Variants in SDK1 observed in about 807,000 individuals in gnomAD.
SDK1 encodes protein sidekick-1.
SDK1 carries 157 observed loss-of-function variants against 245.5 expected under a neutral mutation model. The observed-to-expected ratio is 0.64, with a 90% CI of 0.56 to 0.73. The LOEUF (loss-of-function observed/expected upper bound fraction) is 0.73. SDK1 is among the 30% of genes least tolerant of loss of function. SDK1 has a pLI of 0.00. For missense variants in SDK1, 3,583 were observed against 3,002.3 expected (o/e 1.19, Z -4.52); for synonymous variants, 1,647 against 1,278.5 (o/e 1.29, Z -6.15).
At chr7:3,329,203 G>A (rs1277597230) in intron 1 of SDK1, among the ~76,000 whole-genome samples, 1 of 151,994 alleles carries the variant, frequency 6.6e-6, no homozygotes, top group African/African-American at 2.4e-5. Flanking sequence ...GCAGATAATG[G>A]TTGGTACTCA....
chr7:3,807,313 A>T (rs1456595049), intron 4 of SDK1, among the ~76,000 whole-genome samples: 2 of 152,176 alleles, frequency 1.3e-5, no homozygotes, highest in Non-Finnish European at 2.9e-5. Flanking sequence ...CAGGATAGGA[A>T]GGGGAAGTGC....
intron 5 of SDK1, among the ~76,000 whole-genome samples, chr7:3,853,814 C>T (rs1278581617): frequency 6.6e-6 from 1 of 152,032 alleles, no homozygotes; most frequent in Non-Finnish European, 1.5e-5. Context: ...CATGGTGAAA[C>T]CTCCTCTCTA....
At chr7:3,432,037 T>TGTCTC (rs564047846) in intron 1 of SDK1, among the ~76,000 whole-genome samples, 128 of 151,708 alleles carry the variant, frequency 8.4e-4, no homozygotes, top group African/African-American at 2.9e-3. Context: ...CATGACTTTT[T>TGTCTC]GTCTCATAAA....
intron 28 of SDK1, among the ~76,000 whole-genome samples, chr7:4,136,851 G>T (rs1481096782): frequency 6.6e-6 from 1 of 152,228 alleles, no homozygotes; most frequent in African/African-American, 2.4e-5. Flanking sequence ...TATGATCCCT[G>T]TTGGCAGATT....
At chr7:3,445,905 T>C (rs1042342148) in intron 1 of SDK1, among the ~76,000 whole-genome samples, 3 of 152,280 alleles carry the variant, frequency 2.0e-5, no homozygotes, top group Admixed American at 6.5e-5. Flanking sequence ...TTTGTTTTTT[T>C]CAACTTTCTT....
intron 28 of SDK1, among the ~76,000 whole-genome samples, chr7:4,144,557 G>T (rs1012598913): frequency 1.3e-5 from 2 of 152,140 alleles, no homozygotes; most frequent in African/African-American, 4.8e-5. Flanking sequence ...GGCGGGCTGG[G>T]GAGGGGTTTG....
chr7:3,955,194 G>GC (rs1408869006), intron 7 of SDK1, among the ~76,000 whole-genome samples: 7 of 152,200 alleles, frequency 4.6e-5, no homozygotes, highest in African/African-American at 1.4e-4. Flanking sequence ...TCTGCTGCCA[G>GC]CCCCTTCAAG....
At chr7:3,743,010 A>G (rs1264056707) in intron 4 of SDK1, among the ~76,000 whole-genome samples, 4 of 152,224 alleles carry the variant, frequency 2.6e-5, no homozygotes, top group Non-Finnish European at 5.9e-5. Context: ...TTCAGTACAC[A>G]TGGTCCTACT....
At chr7:3,865,417 G>A (rs774404964) in intron 5 of SDK1, among the ~76,000 whole-genome samples, 5 of 152,194 alleles carry the variant, frequency 3.3e-5, no homozygotes, top group East Asian at 1.9e-4. Context: ...CATGTGACAC[G>A]CCATTTACAA....
At chr7:3,836,896 T>C (rs891198101) in intron 5 of SDK1, among the ~76,000 whole-genome samples, 2 of 152,148 alleles carry the variant, frequency 1.3e-5, no homozygotes, top group Non-Finnish European at 2.9e-5. Flanking sequence ...TGGTGTCTCG[T>C]TGGGGCCTCC....
At chr7:4,092,418 G>A (rs1781865345) in intron 22 of SDK1, among the ~76,000 whole-genome samples, 1 of 152,182 alleles carries the variant, frequency 6.6e-6, no homozygotes. Flanking sequence ...AGGCACCCAT[G>A]AAGCCCAGCT....
chr7:3,471,481 A>T (rs143755532), intron 1 of SDK1, among the ~76,000 whole-genome samples: 26 of 152,332 alleles, frequency 1.7e-4, no homozygotes, highest in African/African-American at 5.5e-4. Context: ...CTCAAACTAC[A>T]GGTACTTAAA....
chr7:3,826,534 G>C (rs552321580), intron 5 of SDK1, among the ~76,000 whole-genome samples: 1 of 152,288 alleles, frequency 6.6e-6, no homozygotes, highest in African/African-American at 2.4e-5. Context: ...ACTCAGATCT[G>C]TGCTTTCTTC....
chr7:3,744,100 A>C (rs1435398637), intron 4 of SDK1, among the ~76,000 whole-genome samples: 1 of 152,078 alleles, frequency 6.6e-6, no homozygotes, highest in Non-Finnish European at 1.5e-5. Flanking sequence ...TTCCTGCCTC[A>C]GGATCCTTCC....
At chr7:3,790,836 T>A (rs561273199) in intron 4 of SDK1, among the ~76,000 whole-genome samples, 1 of 152,160 alleles carries the variant, frequency 6.6e-6, no homozygotes, top group East Asian at 1.9e-4. Context: ...TAGTGGTTGC[T>A]TTTGGGCTGT....
intron 19 of SDK1, among the ~76,000 whole-genome samples, chr7:4,053,516 C>T (rs1779015564): frequency 6.6e-6 from 1 of 152,102 alleles, no homozygotes; most frequent in Non-Finnish European, 1.5e-5. Flanking sequence ...GTTCAGGTCT[C>T]CCTCACTCAA....
intron 1 of SDK1, among the ~76,000 whole-genome samples, chr7:3,557,327 C>A (rs1173747923): frequency 6.6e-6 from 1 of 152,120 alleles, no homozygotes; most frequent in African/African-American, 2.4e-5. Flanking sequence ...ACACATTTTC[C>A]AACTAAGAAG....
At chr7:4,065,851 G>A (rs1779864611) in intron 19 of SDK1, among the ~76,000 whole-genome samples, 1 of 151,994 alleles carries the variant, frequency 6.6e-6, no homozygotes, top group Non-Finnish European at 1.5e-5. Context: ...GAGGCTGGCA[G>A]TAACCAGAAC....
chr7:4,115,711 A>G (rs1453792284), intron 25 of SDK1, among the ~76,000 whole-genome samples: 1 of 152,130 alleles, frequency 6.6e-6, no homozygotes, highest in Non-Finnish European at 1.5e-5. Context: ...GTCCTCGGAA[A>G]TGCCCCGGAT....
Sources: gnomAD v4.1 joint callset for allele counts (sites outside exome capture counted in the v4.1 genomes callset) on GRCh38, gnomAD v4.1.1 for gene constraint, MANE v1.5 for transcripts, NCBI Gene and HGNC (gene_info 2026-07-23, HGNC 2026-07-21) for gene names.